The following ARHGAP24 variants were observed in gnomAD, a reference collection of about 807,000 sequenced individuals.
ARHGAP24 encodes the protein Rho GTPase activating protein 24.
ARHGAP24 carries 50 observed loss-of-function variants against 76.4 expected under a neutral mutation model. That is an observed-to-expected ratio of 0.65 (90% CI 0.52 to 0.83). ARHGAP24 has a LOEUF of 0.83. ARHGAP24 is among the 40% of genes least tolerant of loss of function. The probability of loss-of-function intolerance (pLI) is 0.00; values close to 1 mark genes in which losing one functional copy is unlikely to be tolerated. For missense variants in ARHGAP24, 930 were observed against 914.2 expected (o/e 1.02, Z -0.22); for synonymous variants, 345 against 323.3 (o/e 1.07, Z -0.72).
intron 3 of ARHGAP24, 59 bp from the exon 4 acceptor site, chr4:85,923,589 G>T: frequency 1.9e-6 from 3 of 1,609,832 alleles, no homozygotes; most frequent in Non-Finnish European, 2.5e-6. Context: ...TCTTCTGGAG[G>T]CTGATCATGA....
At chr4:85,666,382 G>C (rs1026080575) in intron 2 of ARHGAP24, among the ~76,000 whole-genome samples, 1 of 152,162 alleles carries the variant, frequency 6.6e-6, no homozygotes, top group South Asian at 2.1e-4. Flanking sequence ...GGTTATTCTA[G>C]TTATACATTT....
intron 3 of ARHGAP24, among the ~76,000 whole-genome samples, chr4:85,776,508 A>G (rs1247452135): frequency 2.6e-5 from 4 of 152,176 alleles, no homozygotes; most frequent in Non-Finnish European, 5.9e-5. Flanking sequence ...TGGATCACAT[A>G]TTGACAGCAC....
chr4:85,558,902 C>T (rs1356226877), intron 1 of ARHGAP24, among the ~76,000 whole-genome samples: 1 of 152,134 alleles, frequency 6.6e-6, no homozygotes, highest in African/African-American at 2.4e-5. Context: ...AATAGCTGGC[C>T]CCACTGAGGG....
intron 3 of ARHGAP24, among the ~76,000 whole-genome samples, chr4:85,838,538 G>A (rs1206266462): frequency 1.3e-5 from 2 of 152,170 alleles, no homozygotes; most frequent in Non-Finnish European, 2.9e-5. Context: ...GGCGGAGCTG[G>A]CAGTGAGCCG....
chr4:85,750,659 C>T (rs927356194), intron 3 of ARHGAP24, among the ~76,000 whole-genome samples: 2 of 151,932 alleles, frequency 1.3e-5, no homozygotes, highest in Non-Finnish European at 2.9e-5. Context: ...CCTCGCCCAG[C>T]TAATGTTTGG....
At chr4:85,670,049 A>G (rs2869362) in intron 2 of ARHGAP24, among the ~76,000 whole-genome samples, 141,550 of 151,970 alleles carry the variant, frequency 0.93, 65,960 homozygotes, top group East Asian at 0.98. Context: ...ATTCAGTTGG[A>G]ATGGGGTGGC....
chr4:85,959,743 A>G (rs1480347698), intron 5 of ARHGAP24, among the ~76,000 whole-genome samples: 1 of 152,148 alleles, frequency 6.6e-6, no homozygotes, highest in African/African-American at 2.4e-5. Flanking sequence ...GGTCATATCT[A>G]TGTTTAACAT....
At chr4:85,627,808 T>G (rs1173208082) in intron 2 of ARHGAP24, among the ~76,000 whole-genome samples, 2 of 152,242 alleles carry the variant, frequency 1.3e-5, no homozygotes. Context: ...GGCTGCCGCC[T>G]TGCAGTTTGA....
intron 3 of ARHGAP24, among the ~76,000 whole-genome samples, chr4:85,750,386 C>T (rs1427596771): frequency 6.7e-6 from 1 of 150,186 alleles, no homozygotes; most frequent in Non-Finnish European, 1.5e-5. Flanking sequence ...GTCAAGATGA[C>T]TTGTTATCTT....
chr4:85,981,798 C>T (rs1265852570), intron 8 of ARHGAP24, among the ~76,000 whole-genome samples: 3 of 152,126 alleles, frequency 2.0e-5, no homozygotes, highest in East Asian at 1.9e-4. Flanking sequence ...GGCTGGATGT[C>T]TCACTCCTTC....
intron 3 of ARHGAP24, among the ~76,000 whole-genome samples, chr4:85,915,041 A>T (rs780024313): frequency 3.8e-4 from 58 of 152,192 alleles, no homozygotes; most frequent in Non-Finnish European, 6.8e-4. Flanking sequence ...TTCTACCTTT[A>T]TTTCTTGGAA....
intron 3 of ARHGAP24, among the ~76,000 whole-genome samples, chr4:85,866,958 C>G (rs77033675): frequency 6.6e-6 from 1 of 152,086 alleles, no homozygotes; most frequent in Admixed American, 6.6e-5. Flanking sequence ...TCATTAAACC[C>G]TCCATGAGTT....
intron 3 of ARHGAP24, among the ~76,000 whole-genome samples, chr4:85,895,001 C>CAAAAAAAAAAAAAA (rs1222078793): frequency 2.9e-4 from 16 of 54,322 alleles, no homozygotes; most frequent in Non-Finnish European, 4.0e-4. Context: ...AAACAAAAAG[C>CAAAAAAAAAAAAAA]AAAAAAAAAA....
chr4:85,806,673 A>G (rs1398001632), intron 3 of ARHGAP24, among the ~76,000 whole-genome samples: 1 of 152,202 alleles, frequency 6.6e-6, no homozygotes, highest in African/African-American at 2.4e-5. Context: ...GTTAAGAAAT[A>G]AAGATGTTCA....
chr4:85,858,093 T>C (rs1731687918), intron 3 of ARHGAP24, among the ~76,000 whole-genome samples: 1 of 152,236 alleles, frequency 6.6e-6, no homozygotes, highest in African/African-American at 2.4e-5. Flanking sequence ...GAGAAAAAAA[T>C]GTAGAATAAA....
At chr4:85,852,646 T>A (rs1045246669) in intron 3 of ARHGAP24, among the ~76,000 whole-genome samples, 2 of 152,220 alleles carry the variant, frequency 1.3e-5, no homozygotes, top group African/African-American at 4.8e-5. Flanking sequence ...GGTGTGGATG[T>A]CCTTTTTGTT....
intron 3 of ARHGAP24, among the ~76,000 whole-genome samples, chr4:85,773,006 C>T (rs537300407): frequency 1.3e-5 from 2 of 152,096 alleles, no homozygotes; most frequent in South Asian, 4.1e-4. Context: ...TCAGTTTCCT[C>T]GTCTGCAAAT....
chr4:85,721,271 C>A (rs1338182150), intron 2 of ARHGAP24, among the ~76,000 whole-genome samples: 1 of 152,034 alleles, frequency 6.6e-6, no homozygotes, highest in Non-Finnish European at 1.5e-5. Context: ...TGGCAGATGC[C>A]TGTAATCCCA....
At chr4:85,669,668 TATATATATATATATATATATATATGTG>T (rs1560578054) in intron 2 of ARHGAP24, among the ~76,000 whole-genome samples, 1 of 64,320 alleles carries the variant, frequency 1.6e-5, no homozygotes. Context: ...TATATATATA[TATATATATATATATATATATATATGTG>T]ATATATATAG....
Sources: allele counts gnomAD v4.1 joint callset (sites outside exome capture counted in the v4.1 genomes callset), GRCh38; gene constraint gnomAD v4.1.1; transcripts MANE v1.5; gene names NCBI Gene and HGNC (gene_info 2026-07-23, HGNC 2026-07-21).